Variants in SLC30A9 observed in about 807,000 individuals in gnomAD.
The protein encoded by SLC30A9 is proton-coupled zinc antiporter SLC30A9, mitochondrial.
Under a neutral mutation model 87.5 loss-of-function variants are expected in SLC30A9, and 58 were observed. The observed-to-expected ratio is 0.66, with a 90% CI of 0.54 to 0.82. SLC30A9 has a LOEUF of 0.82. Ranked by LOEUF, SLC30A9 falls within the 40% of genes least tolerant of loss-of-function variation. The probability of loss-of-function intolerance (pLI) is 0.00; values close to 1 mark genes in which losing one functional copy is unlikely to be tolerated. For synonymous variants in SLC30A9, 234 were observed against 233.0 expected, an observed-to-expected ratio of 1.00 and a Z score of -0.04; for missense variants, 557 against 679.1, an observed-to-expected ratio of 0.82 and a Z score of 2.00.
intron 2 of SLC30A9, among the ~76,000 whole-genome samples, chr4:42,002,309 T>C (rs1435348012): frequency 3.9e-5 from 6 of 152,018 alleles, no homozygotes; most frequent in South Asian, 4.1e-4. Context: ...GGAGGGTACA[T>C]GTGAGGGTTT....
intron 2 of SLC30A9, among the ~76,000 whole-genome samples, chr4:42,015,280 A>T (rs1715666788): frequency 6.6e-6 from 1 of 152,194 alleles, no homozygotes; most frequent in African/African-American, 2.4e-5. Context: ...AAACAATAGA[A>T]ATACAGTCTT....
intron 6 of SLC30A9, among the ~76,000 whole-genome samples, chr4:42,034,129 T>G (rs1716576219): frequency 6.7e-6 from 1 of 149,770 alleles, no homozygotes; most frequent in Non-Finnish European, 1.5e-5. Context: ...TCTCATATTT[T>G]TCAACTTTGA....
Position 42,028,503 on chromosome 4 carries a change from A to G in SLC30A9, c.610+5119A>G, listed in dbSNP as rs142142301. The stretch of plus-strand genomic sequence containing the variant: ...TCTGCTAAGATGTCTTATATAGATG[A>G]TGGTGGTAAAAATACATGTGGAGCA... On this transcript the variant is annotated intron_variant, in intron 6 of 17. Coordinates refer to ENST00000264451, the MANE Select transcript of SLC30A9 (RefSeq NM_006345.4). 6.2e-3 allele frequency among the ~76,000 whole-genome samples: 949 copies of G among 152,372 alleles called. 3 individuals are homozygous for G. Among genetic ancestry groups the G allele is most frequent in the Non-Finnish European group, 0.01 (692 of 68,034 alleles).
At chr4:42,076,468 G>T (rs768119329) in intron 16 of SLC30A9, among the ~76,000 whole-genome samples, 5 of 151,718 alleles carry the variant, frequency 3.3e-5, no homozygotes, top group Non-Finnish European at 7.4e-5. Context: ...GTAACATTTT[G>T]AATGTTTAAA....
At chr4:42,035,834 C>CAT (rs1716657421) in intron 7 of SLC30A9, among the ~76,000 whole-genome samples, 1 of 152,104 alleles carries the variant, frequency 6.6e-6, no homozygotes, top group South Asian at 2.1e-4. Context: ...TCTTTAAAGT[C>CAT]ATAACCATGT....
At chr4:42,072,702 G>T (rs1718359819) in intron 15 of SLC30A9, among the ~76,000 whole-genome samples, 1 of 152,002 alleles carries the variant, frequency 6.6e-6, no homozygotes, top group Non-Finnish European at 1.5e-5. Flanking sequence ...CACTTGAGAA[G>T]AATGTATATT....
At chr4:42,018,637 C>CT (rs1462578308) in intron 3 of SLC30A9, 2 of 236,386 alleles carry the variant, frequency 8.5e-6, no homozygotes, top group East Asian at 1.2e-4. Flanking sequence ...GGCAGCAACT[C>CT]TATGATTAAC....
intron 2 of SLC30A9, among the ~76,000 whole-genome samples, chr4:42,007,121 T>G (rs1184263627): frequency 6.6e-6 from 1 of 151,944 alleles, no homozygotes; most frequent in Non-Finnish European, 1.5e-5. Context: ...CAAATGAAGG[T>G]CTGGAGTAGG....
chr4:42,085,621 C>T (rs1392438540), intron 17 of SLC30A9, among the ~76,000 whole-genome samples: 2 of 152,194 alleles, frequency 1.3e-5, no homozygotes, highest in Non-Finnish European at 2.9e-5. Flanking sequence ...AACTGAGTCA[C>T]TCAGGGTCAG....
intron 14 of SLC30A9, 104 bp downstream of exon 14, chr4:42,067,296 A>C: frequency 1.5e-6 from 1 of 686,392 alleles, no homozygotes; most frequent in Non-Finnish European, 2.5e-6. Flanking sequence ...AAACCAACAA[A>C]TTGTTAAATG....
At chr4:42,014,918 G>C (rs1052311601) in intron 2 of SLC30A9, among the ~76,000 whole-genome samples, 11 of 152,142 alleles carry the variant, frequency 7.2e-5, no homozygotes, top group African/African-American at 2.7e-4. Flanking sequence ...AGAATAGTGG[G>C]AGGTGGAGAG....
chr4:42,033,515 AC>A (rs1159642751), intron 6 of SLC30A9, among the ~76,000 whole-genome samples: 6 of 152,228 alleles, frequency 3.9e-5, no homozygotes, highest in South Asian at 2.1e-4. Flanking sequence ...TTTTAAAAAA[AC>A]GTACACATTT....
chr4:42,042,896 G>T (rs983116185), intron 8 of SLC30A9, among the ~76,000 whole-genome samples: 1 of 152,210 alleles, frequency 6.6e-6, no homozygotes, highest in African/African-American at 2.4e-5. Context: ...AGCAATGTTT[G>T]CTGTTCTGCA....
chr4:42,016,136 G>A (rs1715710620), intron 2 of SLC30A9, among the ~76,000 whole-genome samples: 1 of 152,174 alleles, frequency 6.6e-6, no homozygotes, highest in East Asian at 1.9e-4. Context: ...TTTCCTCAGA[G>A]CAATTTTGTG....
intron 2 of SLC30A9, among the ~76,000 whole-genome samples, chr4:42,004,888 A>G (rs997804228): frequency 5.9e-5 from 9 of 152,060 alleles, no homozygotes; most frequent in African/African-American, 1.9e-4. Flanking sequence ...TCCTGGGCTC[A>G]AGCAATCCTC....
chr4:42,090,112 T>C lies in SLC30A9; in HGVS notation c.*3986T>C, dbSNP rs1156359015. On this transcript the variant is annotated 3_prime_UTR_variant, in exon 18 of 18. Coordinates refer to ENST00000264451, the MANE Select transcript of SLC30A9 (RefSeq NM_006345.4). ...TCTTCTTAGACTGCATTTGTCAAGC[T>C]TTGGCAGCATTTCTTTTAAATGTGA... 1.3e-5 allele frequency: 2 copies of C among 152,218 alleles called. No homozygotes were observed. The highest frequency in any genetic ancestry group is 4.8e-5 in the African/African-American group (2 of 41,446). 9.4% of individuals were successfully genotyped at this position (152,218 alleles called of 1,614,324 possible). A position where few individuals can be genotyped will look rare whatever the true frequency, so the allele number is the denominator to read the frequency against.
rs750205203 is a variant in SLC30A9 at position 42,070,668 on chromosome 4, C to G, written c.1395C>G (p.Leu465=). The change falls in exon 15 of 18, where the codon CTC becomes CTG. Residue 465 remains leucine, a synonymous_variant. Coordinates refer to ENST00000264451, the MANE Select transcript of SLC30A9 (RefSeq NM_006345.4). ...QPEQVQRLTE[L]LENDPSVRAI... is the part of the protein sequence containing the mutation. ...AACAAGTACAACGGCTCACTGAACT[C>G]CTGGAGAATGACCCATCAGTAAGGT... The G allele has an allele frequency of 1.2e-6, 2 of 1,613,816 alleles. No individual in the cohort carries two copies. Among genetic ancestry groups the G allele is most frequent in the Non-Finnish European group, 1.7e-6 (2 of 1,179,836 alleles).
intron 8 of SLC30A9, among the ~76,000 whole-genome samples, chr4:42,043,107 C>T (rs1716991153): frequency 6.6e-6 from 1 of 152,108 alleles, no homozygotes; most frequent in Non-Finnish European, 1.5e-5. Context: ...TAGATAAATC[C>T]ATGAAGATGA....
At chr4:42,001,936 AT>A (rs1206807888) in intron 2 of SLC30A9, among the ~76,000 whole-genome samples, 156 bp downstream of exon 2, 2 of 151,786 alleles carry the variant, frequency 1.3e-5, no homozygotes, top group African/African-American at 4.8e-5. Flanking sequence ...TAATTTCTTT[AT>A]TTTTTCTATT....
Sources: gnomAD v4.1 joint callset for allele counts (sites outside exome capture counted in the v4.1 genomes callset) on GRCh38, gnomAD v4.1.1 for gene constraint, MANE v1.5 for transcripts, NCBI Gene and HGNC (gene_info 2026-07-23, HGNC 2026-07-21) for gene names.